The following NTNG2 variants were observed in gnomAD, a reference collection of about 807,000 sequenced individuals.
NTNG2 encodes the protein netrin-G2.
A neutral mutation model predicts 47.6 loss-of-function variants in NTNG2; 15 were observed. The ratio of observed to expected loss-of-function variants is 0.32; its 90% confidence interval spans 0.21 to 0.49. The LOEUF (loss-of-function observed/expected upper bound fraction) is 0.49. Ranked by LOEUF, NTNG2 falls within the 20% of genes least tolerant of loss-of-function variation. The probability of loss-of-function intolerance (pLI) is 0.99; values close to 1 mark genes in which losing one functional copy is unlikely to be tolerated. For synonymous variants in NTNG2, 307 were observed against 324.6 expected (o/e 0.95, Z 0.58); for missense variants, 578 against 764.6 (o/e 0.76, Z 2.88).
rs1589577615 is a variant in NTNG2 at position 132,242,073 on chromosome 9, C to G, written c.1555C>G (p.Leu519Val). ...APRPATLLGC[L>V]LLLGLAARLG... is the part of the protein sequence containing the mutation. ...GCGCCCCGCCACCCTGCTCGGCTGC[C>G]TGCTGCTGCTGGGGCTGGCCGCCCG... Residue 519 changes from leucine to valine, a missense_variant, in exon 8 of 8, where the codon CTG becomes GTG. Leu to Val is a conservative substitution (Grantham distance 32). Coordinates refer to ENST00000393229, the MANE Select transcript of NTNG2 (RefSeq NM_032536.4). The surrounding 1 kb of genome is among the most constrained non-coding windows in gnomAD (Gnocchi z 5.9). The G allele has an allele frequency of 1.7e-6, 2 of 1,204,786 alleles. No homozygotes were observed. The highest frequency in any genetic ancestry group is 7.3e-5 in the South Asian group (2 of 27,236). 74.6% of individuals were successfully genotyped at this position (1,204,786 alleles called of 1,614,324 possible).
chr9:132,228,558 CTT>C (rs56250915), intron 4 of NTNG2, among the ~76,000 whole-genome samples: 1 of 145,216 alleles, frequency 6.9e-6, no homozygotes, highest in African/African-American at 2.5e-5. Flanking sequence ...TCACACCCTC[CTT>C]TTTTTTTTTT....
chr9:132,177,876 C>T (rs565218703), intron 2 of NTNG2, among the ~76,000 whole-genome samples: 2 of 152,244 alleles, frequency 1.3e-5, no homozygotes, highest in South Asian at 2.1e-4. Context: ...AGGCTGATCT[C>T]GAACTCCTGG....
chr9:132,162,026 C>CA (rs1835069393), upstream of NTNG2: 1 of 149,042 alleles, frequency 6.7e-6, no homozygotes, highest in South Asian at 1.8e-4. The surrounding 1 kb of genome is among the most constrained non-coding windows in gnomAD (Gnocchi z 4.6). Flanking sequence ...CTGCGGGCGG[C>CA]CCCCCCGGCG....
intron 5 of NTNG2, 100 bp downstream of exon 5, chr9:132,230,695 CCTCT>C: frequency 7.8e-7 from 1 of 1,289,856 alleles, no homozygotes. Flanking sequence ...TTCAGTGTCC[CCTCT>C]GGGACTTGGG....
At chr9:132,219,342 C>T (rs1440644533) in intron 3 of NTNG2, among the ~76,000 whole-genome samples, 2 of 151,932 alleles carry the variant, frequency 1.3e-5, no homozygotes, top group African/African-American at 2.4e-5. Flanking sequence ...GGAGGCCCAA[C>T]TGGGAGGATC....
Position 132,187,882 on chromosome 9 carries a change from G to A in NTNG2, c.214-10084G>A, listed in dbSNP as rs145183618. ...GAACACGCAGAACTTGAGACTTTAGGATGTCAGGGTCAGAGGCGGACAGCC... is the reference window on the plus strand; with the variant it reads ...GAACACGCAGAACTTGAGACTTTAGAATGTCAGGGTCAGAGGCGGACAGCC... On this transcript the variant is annotated intron_variant, in intron 2 of 7. Transcript: ENST00000393229. Among the ~76,000 whole-genome samples the A allele has an allele frequency of 4.5e-3, 680 of 152,308 alleles. 3 individuals carry two copies. The highest frequency in any genetic ancestry group is 0.014 in the Middle Eastern group (4 of 294).
intron 2 of NTNG2, among the ~76,000 whole-genome samples, chr9:132,177,752 G>C (rs1195019526): frequency 6.6e-6 from 1 of 152,138 alleles, no homozygotes; most frequent in Non-Finnish European, 1.5e-5. Flanking sequence ...CCCCCTCCCG[G>C]GTTCAAGCGA....
chr9:132,204,670 T>C (rs939807591), intron 3 of NTNG2, among the ~76,000 whole-genome samples: 1 of 152,206 alleles, frequency 6.6e-6, no homozygotes, highest in Non-Finnish European at 1.5e-5. Flanking sequence ...AGAATTCCCA[T>C]AGCCCAGGTA....
intron 2 of NTNG2, among the ~76,000 whole-genome samples, chr9:132,186,753 G>A (rs900739576): frequency 5.3e-5 from 8 of 152,216 alleles, no homozygotes; most frequent in African/African-American, 1.7e-4. Flanking sequence ...CGAAGCCCGC[G>A]GATGCCCACC....
intron 2 of NTNG2, among the ~76,000 whole-genome samples, chr9:132,188,307 C>G (rs2131402647): frequency 6.6e-6 from 1 of 152,386 alleles, no homozygotes; most frequent in South Asian, 2.1e-4. Context: ...GTTGGCAAAT[C>G]AGCAACAGCA....
chr9:132,185,923 G>A lies in NTNG2; in HGVS notation c.214-12043G>A, dbSNP rs868232033. The stretch of plus-strand genomic sequence containing the variant: ...GGAGGAGGAGCAGCAGCGGCTGAGC[G>A]CTCCCGCTGGCCCTGCTAGGGAAGT... On this transcript the variant is annotated intron_variant, in intron 2 of 7. Transcript: ENST00000393229. 3.9e-5 allele frequency among the ~76,000 whole-genome samples: 6 copies of A among 152,146 alleles called. No individual in the cohort carries two copies. The South Asian group carries it at 8.3e-4, about 21-fold the overall frequency.
chr9:132,203,793 C>T (rs981572558), intron 3 of NTNG2, among the ~76,000 whole-genome samples: 1 of 152,174 alleles, frequency 6.6e-6, no homozygotes, highest in African/African-American at 2.4e-5. Flanking sequence ...GCTCTGCCCA[C>T]TCCAGACCTG....
rs1463357524 is a variant in NTNG2, at chr9:132,182,817, T to C, written c.214-15149T>C. ...GGAGCGGGCAGGGACCAGGCTGCCC[T>C]CTAAGCCACTCGGCTGGCTCTCAGC... On this transcript the variant is annotated intron_variant, in intron 2 of 7. Coordinates refer to ENST00000393229, the MANE Select transcript of NTNG2 (RefSeq NM_032536.4). The surrounding 1 kb of genome is among the most constrained non-coding windows in gnomAD (Gnocchi z 4.2). 3.3e-5 allele frequency among the ~76,000 whole-genome samples: 5 copies of C among 152,162 alleles called. No individual in the cohort carries two copies. Among genetic ancestry groups the C allele is most frequent in the Non-Finnish European group, 7.4e-5 (5 of 68,020 alleles).
intron 2 of NTNG2, among the ~76,000 whole-genome samples, chr9:132,185,222 C>T (rs1837267833): frequency 6.6e-6 from 1 of 152,212 alleles, no homozygotes; most frequent in Non-Finnish European, 1.5e-5. Context: ...ATGCTTCCCC[C>T]GACCCCCTTC....
At chr9:132,216,147 C>T (rs1489144401) in intron 3 of NTNG2, among the ~76,000 whole-genome samples, 2 of 152,282 alleles carry the variant, frequency 1.3e-5, no homozygotes, top group East Asian at 1.9e-4. Context: ...GCAGCCCAGC[C>T]GTGACACTCA....
Position 132,162,555 on chromosome 9 carries a change from TGA to T in NTNG2, c.-484+325_-484+326del, listed in dbSNP as rs1554775835. ...GTGAGAGTGTGTGTGTGTGTGTGTG[TGA>T]GAGAGAGACAGAGTGTGTGTGTGTG... On this transcript the variant is annotated intron_variant, in intron 1 of 7. Transcript: ENST00000393229. This position sits in a 1 kb window ranked among gnomAD's most constrained non-coding sequence, Gnocchi z 4.6. Among the ~76,000 whole-genome samples the T allele has an allele frequency of 7.9e-5, 11 of 139,374 alleles. 1 individual carries two copies. Among genetic ancestry groups the T allele is most frequent in the Non-Finnish European group, 1.2e-4 (8 of 64,100 alleles). The allele number at this position is 139,374 out of a possible 152,430, so 91.4% of individuals were successfully genotyped here.
chr9:132,211,930 A>T (rs1230399223), intron 3 of NTNG2, among the ~76,000 whole-genome samples: 2 of 152,174 alleles, frequency 1.3e-5, no homozygotes, highest in Non-Finnish European at 2.9e-5. Flanking sequence ...TCATTCATTC[A>T]GTCAGTCAGT....
intron 3 of NTNG2, among the ~76,000 whole-genome samples, chr9:132,223,378 G>T (rs1840493118): frequency 6.6e-6 from 1 of 152,178 alleles, no homozygotes; most frequent in African/African-American, 2.4e-5. Flanking sequence ...GCCGAGGGAG[G>T]AGGGCTCAGA....
At chr9:132,220,255 T>C (rs1054852329) in intron 3 of NTNG2, among the ~76,000 whole-genome samples, 1 of 152,236 alleles carries the variant, frequency 6.6e-6, no homozygotes, top group African/African-American at 2.4e-5. Flanking sequence ...TTTTTAGCTA[T>C]GTCATGACTT....
Sources: gnomAD v4.1 joint callset for allele counts (sites outside exome capture counted in the v4.1 genomes callset) on GRCh38, gnomAD v4.1.1 for gene constraint, Gnocchi (gnomAD v3.1) non-coding constraint, MANE v1.5 for transcripts, NCBI Gene and HGNC (gene_info 2026-07-23, HGNC 2026-07-21) for gene names.